MED13L: variants seen among roughly 807,000 people sequenced by gnomAD.
MED13L encodes the protein mediator complex subunit 13L.
A neutral mutation model predicts 220.9 loss-of-function variants in MED13L; 7 were observed. The observed-to-expected ratio is 0.03, with a 90% confidence interval of 0.02 to 0.06. MED13L has a LOEUF of 0.06. Among genes scored for constraint, MED13L ranks in the 10% least tolerant of loss-of-function variants. The pLI is 1.00. For synonymous variants in MED13L, 1,011 were observed against 1,015.2 expected (o/e 1.00, Z 0.08); for missense variants, 1,965 against 2,760.5 (o/e 0.71, Z 6.46).
At chr12:116,238,975 A>G (rs1006409916) in intron 1 of MED13L, among the ~76,000 whole-genome samples, 12 of 152,054 alleles carry the variant, frequency 7.9e-5, no homozygotes, top group Non-Finnish European at 1.8e-4. Flanking sequence ...TGTGCCTGTA[A>G]TCTCAGCTAC....
intron 2 of MED13L, among the ~76,000 whole-genome samples, chr12:116,186,480 C>A (rs1043422893): frequency 6.6e-6 from 1 of 151,776 alleles, no homozygotes; most frequent in African/African-American, 2.4e-5. Context: ...TTTTTTTTTC[C>A]AGGAATAATT....
intron 1 of MED13L, among the ~76,000 whole-genome samples, chr12:116,270,996 C>T (rs1202965631): frequency 7.2e-6 from 1 of 139,004 alleles, no homozygotes; most frequent in Non-Finnish European, 1.5e-5. Flanking sequence ...GAGGCGACTT[C>T]GCACCACTGC....
intron 4 of MED13L, among the ~76,000 whole-genome samples, chr12:116,061,630 C>T (rs1018657744): frequency 2.0e-5 from 3 of 152,204 alleles, no homozygotes; most frequent in Non-Finnish European, 1.5e-5. Context: ...TTCATCAATG[C>T]GCATCCCAAA....
rs923465445 is a variant in MED13L, at chr12:115,991,969, G to A, written c.2997-12C>T. 2 of 1,595,712 alleles carry A rather than the reference G, an allele frequency of 1.3e-6. No individual in the cohort carries two copies. The highest frequency in any genetic ancestry group is 1.7e-6 in the Non-Finnish European group (2 of 1,177,144). The stretch of plus-strand genomic sequence containing the variant: ...CACTAGGCACGTTACTACAAAAAGA[G>A]AAGGCACCAAGTGAGGAAGGGCAGC... On this transcript the variant is annotated splice_polypyrimidine_tract_variant and intron_variant, in intron 16 of 30. Coordinates refer to ENST00000281928, the MANE Select transcript of MED13L (RefSeq NM_015335.5). The surrounding 1 kb of genome is among the most constrained non-coding windows in gnomAD (Gnocchi z 7.7).
chr12:116,276,523 C>A, intron 1 of MED13L: 1 of 1,283,146 alleles, frequency 7.8e-7, no homozygotes, highest in Non-Finnish European at 1.0e-6. Flanking sequence ...GCGGGAGCTT[C>A]GGGTGCAAGA....
intron 3 of MED13L, 124 bp from the exon 4 acceptor site, chr12:116,096,876 T>C (rs1872677740): frequency 6.8e-6 from 5 of 734,742 alleles, no homozygotes; most frequent in Admixed American, 6.7e-5. Flanking sequence ...ACTATCAAAA[T>C]GTTTTATCAC....
chr12:116,132,002 G>A (rs1046854839), intron 2 of MED13L, among the ~76,000 whole-genome samples: 1 of 151,868 alleles, frequency 6.6e-6, no homozygotes, highest in African/African-American at 2.4e-5. Context: ...AAAAACGCCA[G>A]GTGCGGTGGC....
At chr12:116,035,868 T>C (rs1035469018) in intron 4 of MED13L, among the ~76,000 whole-genome samples, 2 of 152,112 alleles carry the variant, frequency 1.3e-5, no homozygotes, top group Non-Finnish European at 2.9e-5. Context: ...TGAGCCACCA[T>C]ACCCAGCCAA....
chr12:116,016,319 TG>T (rs1200092778), intron 7 of MED13L, among the ~76,000 whole-genome samples: 1 of 152,072 alleles, frequency 6.6e-6, no homozygotes, highest in African/African-American at 2.4e-5. Flanking sequence ...AAGACCCAAA[TG>T]CTTATATTCT....
At chr12:116,040,886 G>A (rs1881483844) in intron 4 of MED13L, among the ~76,000 whole-genome samples, 1 of 152,050 alleles carries the variant, frequency 6.6e-6, no homozygotes, top group Non-Finnish European at 1.5e-5. Flanking sequence ...CTTGTATGAT[G>A]CATCAATTGA....
chr12:116,089,736 G>C (rs1872022956), intron 4 of MED13L, among the ~76,000 whole-genome samples: 1 of 152,032 alleles, frequency 6.6e-6, no homozygotes. Flanking sequence ...TATAGTAATA[G>C]CATAAAAACA....
intron 2 of MED13L, among the ~76,000 whole-genome samples, chr12:116,227,942 T>A (rs941659672): frequency 1.3e-5 from 2 of 151,752 alleles, no homozygotes; most frequent in African/African-American, 4.8e-5. Flanking sequence ...ATAAAAAATT[T>A]AAAAAAATCT....
rs869201518 is a variant in MED13L, at chr12:116,102,710, C to CTTTTTTTTTTTTTTTTTTT, written c.396-5977_396-5959dup. ...TATTTTCTTTTTCTTTTTCTTTTTT[C>CTTTTTTTTTTTTTTTTTTT]TTTTTTTTTTTTTTTTTTTTTTTTT... On this transcript the variant is annotated intron_variant, in intron 3 of 30. Transcript: ENST00000281928. Among the ~76,000 whole-genome samples the CTTTTTTTTTTTTTTTTTTT allele has an allele frequency of 4.7e-3, 324 of 68,654 alleles. 3 individuals are homozygous for CTTTTTTTTTTTTTTTTTTT. The highest frequency in any genetic ancestry group is 5.3e-3 in the Non-Finnish European group (197 of 37,152). 45.0% of individuals were successfully genotyped at this position (68,654 alleles called of 152,430 possible). A position where few individuals can be genotyped will look rare whatever the true frequency, so the allele number is the denominator to read the frequency against.
In MED13L at chr12:116,074,868, A is replaced by G. The variant is rs77072254; in HGVS notation, c.479+21801T>C. 2.9e-3 allele frequency among the ~76,000 whole-genome samples: 441 copies of G among 152,372 alleles called. 1 individual carries two copies. Among genetic ancestry groups the G allele is most frequent in the African/African-American group, 9.7e-3 (403 of 41,588 alleles). On this transcript the variant is annotated intron_variant, in intron 4 of 30. Transcript: ENST00000281928. ...TATGCAGACCACTGCATATAAATTC[A>G]GAGAATGTGTAAGGATGGAAACCAT...
chr12:116,057,900 T>G (rs550544712), intron 4 of MED13L, among the ~76,000 whole-genome samples: 1 of 152,176 alleles, frequency 6.6e-6, no homozygotes, highest in Non-Finnish European at 1.5e-5. Context: ...CATTGAGCTA[T>G]CTAGTTAGTT....
At chr12:116,133,056 A>G (rs1446403218) in intron 2 of MED13L, among the ~76,000 whole-genome samples, 1 of 152,236 alleles carries the variant, frequency 6.6e-6, no homozygotes, top group African/African-American at 2.4e-5. Context: ...TTTGAAAACT[A>G]TAAGTTTGAT....
intron 2 of MED13L, among the ~76,000 whole-genome samples, chr12:116,126,193 A>G (rs996675278): frequency 4.6e-5 from 7 of 152,228 alleles, no homozygotes; most frequent in African/African-American, 1.7e-4. Context: ...TTTCAACTCT[A>G]CAAGATTCCT....
At chr12:116,024,882 A>G (rs1409214072) in intron 4 of MED13L, among the ~76,000 whole-genome samples, 1 of 150,150 alleles carries the variant, frequency 6.7e-6, no homozygotes, top group Admixed American at 6.7e-5. Flanking sequence ...TGAAGACACT[A>G]TTCTTTCCTC....
chr12:115,976,189 T>C (rs1876925511), intron 23 of MED13L, among the ~76,000 whole-genome samples: 1 of 152,192 alleles, frequency 6.6e-6, no homozygotes, highest in Non-Finnish European at 1.5e-5. Context: ...TGCACATATA[T>C]GTTTACCAAA....
Sources: allele counts gnomAD v4.1 joint callset (sites outside exome capture counted in the v4.1 genomes callset), GRCh38; gene constraint gnomAD v4.1.1; non-coding constraint Gnocchi (gnomAD v3.1); transcripts MANE v1.5; gene names NCBI Gene and HGNC (gene_info 2026-07-23, HGNC 2026-07-21).